Variants in C8A observed in about 807,000 individuals in gnomAD.
The protein encoded by C8A is complement C8 alpha chain, also known as complement component C8 alpha chain.
A neutral mutation model predicts 65.3 loss-of-function variants in C8A; 67 were observed. That is an observed-to-expected ratio of 1.03 (90% confidence interval 0.84 to 1.26). The LOEUF is 1.26. C8A is among the 50% of genes most tolerant of loss of function. C8A has a pLI of 0.00. For missense variants in C8A, 781 were observed against 723.9 expected, an observed-to-expected ratio of 1.08 and a Z score of -0.90; for synonymous variants, 290 against 259.4, an observed-to-expected ratio of 1.12 and a Z score of -1.13.
chr1:56,863,840 C>T (rs1384036032), intron 1 of C8A, among the ~76,000 whole-genome samples: 7 of 151,136 alleles, frequency 4.6e-5, no homozygotes, highest in Non-Finnish European at 8.8e-5. Context: ...CTCCCTCTCT[C>T]ACTCCCTTCC....
At chr1:56,862,573 G>C (rs1306385889) in intron 1 of C8A, among the ~76,000 whole-genome samples, 1 of 152,040 alleles carries the variant, frequency 6.6e-6, no homozygotes, top group Non-Finnish European at 1.5e-5. Context: ...TCAGGAACTG[G>C]TACTCTGCAG....
rs150355614 is a variant in C8A at position 56,914,378 on chromosome 1, G to T, written c.1603+1753G>T. Among the ~76,000 whole-genome samples the T allele has an allele frequency of 7.5e-3, 1,142 of 152,228 alleles. 14 individuals carry two copies. The highest frequency in any genetic ancestry group is 0.026 in the African/African-American group (1,063 of 41,536). On this transcript the variant is annotated intron_variant, in intron 10 of 10. Coordinates refer to ENST00000361249, the MANE Select transcript of C8A (RefSeq NM_000562.3). ...GATGGTCGGGCAAGACAGCCTCAAG[G>T]TCCTTCCTACCCCCAGAATCTCTGA...
chr1:56,911,784 C>A (rs915145568), intron 9 of C8A, among the ~76,000 whole-genome samples: 1 of 152,180 alleles, frequency 6.6e-6, no homozygotes, highest in Non-Finnish European at 1.5e-5. Flanking sequence ...GCCACAGTTA[C>A]ACCATTAGGG....
intron 7 of C8A, among the ~76,000 whole-genome samples, chr1:56,905,123 T>C (rs924180386): frequency 1.3e-5 from 2 of 152,180 alleles, no homozygotes. Flanking sequence ...AAATTAAAAG[T>C]GTTTGAATGG....
At chr1:56,915,443 A>G (rs1463715270) in intron 10 of C8A, among the ~76,000 whole-genome samples, 1 of 152,184 alleles carries the variant, frequency 6.6e-6, no homozygotes, top group Admixed American at 6.5e-5. Context: ...AGAGAAAAAT[A>G]AAACTACTCT....
At chr1:56,891,519 G>A (rs1345545957) in intron 7 of C8A, among the ~76,000 whole-genome samples, 1 of 152,136 alleles carries the variant, frequency 6.6e-6, no homozygotes, top group Non-Finnish European at 1.5e-5. Flanking sequence ...AGAGGAGCAG[G>A]AGTGGACTCA....
At chr1:56,914,742 G>A (rs751403639) in intron 10 of C8A, among the ~76,000 whole-genome samples, 8 of 152,066 alleles carry the variant, frequency 5.3e-5, no homozygotes, top group African/African-American at 1.7e-4. Context: ...TCAGCTCATT[G>A]CAACCTCCTC....
chr1:56,897,282 T>C (rs142067449), intron 7 of C8A, among the ~76,000 whole-genome samples: 103 of 152,300 alleles, frequency 6.8e-4, no homozygotes, highest in African/African-American at 2.4e-3. Flanking sequence ...AAGCATGAGA[T>C]TGTTCTGAAA....
In C8A at chr1:56,876,121, G is replaced by A; in HGVS notation, c.376G>A (p.Asp126Asn). ...NGDQDCLDGS[D>N]EDDCEDVRAI... ...AGACCAGGACTGCCTTGATGGCTCT[G>A]ATGAGGACGACTGTGAAGATGTCAG... The change falls in exon 4 of 11, where the codon GAT becomes AAT. Residue 126 changes from aspartate to asparagine, a missense_variant. Coordinates refer to ENST00000361249, the MANE Select transcript of C8A (RefSeq NM_000562.3). The A allele has an allele frequency of 6.2e-7, 1 of 1,613,900 alleles. No homozygotes were observed. Among genetic ancestry groups the A allele is most frequent in the Non-Finnish European group, 8.5e-7 (1 of 1,179,886 alleles).
chr1:56,902,311 T>A (rs1644432824), intron 7 of C8A, among the ~76,000 whole-genome samples: 1 of 152,192 alleles, frequency 6.6e-6, no homozygotes, highest in Non-Finnish European at 1.5e-5. Context: ...TAAACCTTAT[T>A]CTTCTTCCTC....
intron 6 of C8A, 97 bp from the exon 7 acceptor site, chr1:56,885,830 A>G: frequency 1.9e-6 from 3 of 1,543,908 alleles, no homozygotes; most frequent in Non-Finnish European, 2.7e-6. Context: ...GATTACAGGC[A>G]TGAGCCACTG....
intron 7 of C8A, among the ~76,000 whole-genome samples, chr1:56,892,141 C>A (rs535355255): frequency 6.6e-6 from 1 of 152,190 alleles, no homozygotes; most frequent in East Asian, 1.9e-4. Context: ...TTTTCATATG[C>A]CTGTGAACAT....
At chr1:56,908,731 G>T (rs1205896106) in intron 9 of C8A, among the ~76,000 whole-genome samples, 1 of 152,146 alleles carries the variant, frequency 6.6e-6, no homozygotes, top group East Asian at 1.9e-4. Context: ...CCATTAAAAA[G>T]ATTAGGAAAC....
intron 7 of C8A, among the ~76,000 whole-genome samples, chr1:56,897,863 A>C (rs1452170867): frequency 6.6e-6 from 1 of 152,146 alleles, no homozygotes; most frequent in Non-Finnish European, 1.5e-5. Context: ...CTGGGAACAC[A>C]GGGGTGAGAC....
chr1:56,885,331 TA>T (rs2101243408), intron 6 of C8A, among the ~76,000 whole-genome samples: 2 of 137,666 alleles, frequency 1.5e-5, no homozygotes, highest in East Asian at 4.2e-4. Flanking sequence ...TTTATTTAAA[TA>T]TATATTTACA....
intron 5 of C8A, among the ~76,000 whole-genome samples, chr1:56,882,044 A>G (rs574845782): frequency 6.6e-6 from 1 of 152,186 alleles, no homozygotes; most frequent in East Asian, 1.9e-4. Flanking sequence ...GGATTCTGAG[A>G]CCTGTGCTTT....
intron 7 of C8A, among the ~76,000 whole-genome samples, chr1:56,898,979 T>A (rs1180613548): frequency 6.6e-6 from 1 of 152,072 alleles, no homozygotes; most frequent in Non-Finnish European, 1.5e-5. Flanking sequence ...GTCTTTTTAT[T>A]TATTTATTTA....
intron 7 of C8A, among the ~76,000 whole-genome samples, chr1:56,899,875 T>TG (rs1406366584): frequency 1.3e-5 from 2 of 152,190 alleles, no homozygotes; most frequent in Non-Finnish European, 2.9e-5. Flanking sequence ...AATCCCCATC[T>TG]TACAGATGGG....
In C8A at chr1:56,918,191, A is replaced by G. The variant is rs1268500509; in HGVS notation, c.*475A>G. The G allele has an allele frequency of 1.3e-5, 2 of 156,514 alleles. No homozygotes were observed. Among genetic ancestry groups the G allele is most frequent in the Non-Finnish European group, 2.8e-5 (2 of 70,930 alleles). The allele number at this position is 156,514 out of a possible 1,614,324, so 9.7% of individuals were successfully genotyped here. ...TAAGCAGACACTCTGAAACAATGAG[A>G]AAAATACTAAAAATTGACTTGAGTT... On this transcript the variant is annotated 3_prime_UTR_variant, in exon 11 of 11. Transcript: ENST00000361249.
Sources: allele counts gnomAD v4.1 joint callset (sites outside exome capture counted in the v4.1 genomes callset), GRCh38; gene constraint gnomAD v4.1.1; transcripts MANE v1.5; gene names NCBI Gene and HGNC (gene_info 2026-07-23, HGNC 2026-07-21).